SPMIP2: variants seen among roughly 807,000 people sequenced by gnomAD.
The protein encoded by SPMIP2 is protein SPMIP2.
the SPMIP2 span, among the ~76,000 whole-genome samples, chr4:158,911,800 G>A: frequency 1.3e-5 from 2 of 152,148 alleles, no homozygotes; most frequent in Admixed American, 1.3e-4. Context: ...TCAAACTCGA[G>A]TGGATGAGGA....
chr4:159,040,221 G>A, the SPMIP2 span, among the ~76,000 whole-genome samples: 2 of 152,014 alleles, frequency 1.3e-5, no homozygotes, highest in African/African-American at 4.8e-5. Context: ...GCCCAGGCTG[G>A]AGTGCAGTGG....
At chr4:159,059,744 A>G in the SPMIP2 span, among the ~76,000 whole-genome samples, 1 of 152,206 alleles carries the variant, frequency 6.6e-6, no homozygotes, top group African/African-American at 2.4e-5. Context: ...ATAATGTCTG[A>G]ACAGGGAAAG....
chr4:159,024,227 T>A, the SPMIP2 span, among the ~76,000 whole-genome samples: 1 of 152,244 alleles, frequency 6.6e-6, no homozygotes, highest in African/African-American at 2.4e-5. Flanking sequence ...GATGTCTCTG[T>A]CAGTGCCATT....
At chr4:159,013,653 T>C in the SPMIP2 span, among the ~76,000 whole-genome samples, 34 of 151,974 alleles carry the variant, frequency 2.2e-4, 3 homozygotes, top group South Asian at 6.0e-3. Flanking sequence ...AGTTACCTTC[T>C]AAAGGGCTGG....
the SPMIP2 span, among the ~76,000 whole-genome samples, chr4:159,070,658 A>C: frequency 6.6e-6 from 1 of 152,204 alleles, no homozygotes; most frequent in East Asian, 1.9e-4. Context: ...TCCTTCACAC[A>C]TAAGTCTTAT....
chr4:158,985,514 C>T, the SPMIP2 span, among the ~76,000 whole-genome samples: 1 of 152,226 alleles, frequency 6.6e-6, no homozygotes, highest in Admixed American at 6.5e-5. Context: ...AGCATATAAA[C>T]AGAACCAAAG....
the SPMIP2 span, among the ~76,000 whole-genome samples, chr4:159,005,345 G>A: frequency 1.3e-5 from 2 of 152,134 alleles, no homozygotes; most frequent in Admixed American, 6.5e-5. Context: ...TCAGTAGGCT[G>A]GGGCAGGATA....
At chr4:158,952,113 G>A in the SPMIP2 span, among the ~76,000 whole-genome samples, 1 of 152,124 alleles carries the variant, frequency 6.6e-6, no homozygotes, top group Non-Finnish European at 1.5e-5. Flanking sequence ...CTGATCCACT[G>A]TCTCTGAGGT....
chr4:158,912,741 G>A, the SPMIP2 span, among the ~76,000 whole-genome samples: 1 of 152,182 alleles, frequency 6.6e-6, no homozygotes, highest in Non-Finnish European at 1.5e-5. Flanking sequence ...CTGCAGGACA[G>A]TCCAAAAAAT....
At chr4:158,929,470 G>A in the SPMIP2 span, among the ~76,000 whole-genome samples, 1 of 152,108 alleles carries the variant, frequency 6.6e-6, no homozygotes, top group Non-Finnish European at 1.5e-5. Context: ...GCTTGCTTTT[G>A]TGGTAGATAT....
chr4:159,052,810 T>G, the SPMIP2 span, among the ~76,000 whole-genome samples: 1 of 150,556 alleles, frequency 6.6e-6, no homozygotes. Context: ...ATTTTTTGTA[T>G]TTTTAGTAGA....
At chr4:159,028,589 C>A in the SPMIP2 span, among the ~76,000 whole-genome samples, 7 of 152,122 alleles carry the variant, frequency 4.6e-5, no homozygotes, top group African/African-American at 1.7e-4. Context: ...CCTCTTCCTT[C>A]CAAAATGCTA....
At chr4:158,986,243 C>G in the SPMIP2 span, among the ~76,000 whole-genome samples, 2 of 151,860 alleles carry the variant, frequency 1.3e-5, no homozygotes, top group Admixed American at 6.6e-5. Context: ...CCATCCCCAT[C>G]AAGCTACCAA....
chr4:159,012,636 A>C, the SPMIP2 span, among the ~76,000 whole-genome samples: 1 of 152,008 alleles, frequency 6.6e-6, no homozygotes, highest in Non-Finnish European at 1.5e-5. Context: ...CAGTGGTGCC[A>C]TCACGACTCA....
the SPMIP2 span, among the ~76,000 whole-genome samples, chr4:159,072,594 C>T: frequency 6.6e-6 from 1 of 151,570 alleles, no homozygotes. Flanking sequence ...CCCCGAGCAG[C>T]TCAGATTACA....
chr4:158,995,481 C>T, the SPMIP2 span, among the ~76,000 whole-genome samples: 1 of 152,164 alleles, frequency 6.6e-6, no homozygotes, highest in Admixed American at 6.5e-5. Context: ...AATACTGGCT[C>T]AGTGTGAACA....
At chr4:159,033,963 A>C in the SPMIP2 span, among the ~76,000 whole-genome samples, 3 of 152,126 alleles carry the variant, frequency 2.0e-5, no homozygotes, top group African/African-American at 7.2e-5. Flanking sequence ...TTTCTACTAA[A>C]AGTACAAAAT....
At chr4:159,039,491 C>T in the SPMIP2 span, among the ~76,000 whole-genome samples, 1 of 151,816 alleles carries the variant, frequency 6.6e-6, no homozygotes, top group African/African-American at 2.4e-5. Flanking sequence ...AGTGGTACCC[C>T]AAAATAACAC....
At chr4:159,010,199 C>T in the SPMIP2 span, among the ~76,000 whole-genome samples, 3 of 152,210 alleles carry the variant, frequency 2.0e-5, no homozygotes, top group East Asian at 5.8e-4. Context: ...ATACTGTACA[C>T]AGTATTGGCA....
Sources: allele counts gnomAD v4.1 joint callset (sites outside exome capture counted in the v4.1 genomes callset), GRCh38; gene constraint gnomAD v4.1.1; transcripts MANE v1.5; gene names NCBI Gene and HGNC (gene_info 2026-07-23, HGNC 2026-07-21).